Variants in ZBTB4 observed in about 807,000 individuals in gnomAD.
The protein encoded by ZBTB4 is zinc finger and BTB domain containing 4, also known as zinc finger and BTB domain-containing protein 4.
ZBTB4 carries 14 observed loss-of-function variants against 59.8 expected under a neutral mutation model. The observed-to-expected ratio is 0.23, with a 90% confidence interval of 0.15 to 0.37. The LOEUF is 0.37. Among genes scored for constraint, ZBTB4 ranks in the 10% least tolerant of loss-of-function variants. The pLI, the probability that ZBTB4 is intolerant of heterozygous loss-of-function variation, is 1.00. For missense variants in ZBTB4, 1,198 were observed against 1,380.8 expected (o/e 0.87, Z 2.10); for synonymous variants, 587 against 575.2 (o/e 1.02, Z -0.29).
At chr17:7,480,153 C>G (rs554134426), upstream of ZBTB4, among the ~76,000 whole-genome samples, 1 of 152,266 alleles carries the variant, frequency 6.6e-6, no homozygotes, top group African/African-American at 2.4e-5. Flanking sequence ...ACGGGGCACA[C>G]ACGAACGACC....
In ZBTB4 at chr17:7,462,262, A is replaced by T; in HGVS notation, c.2720T>A (p.Met907Lys). Residue 907 changes from methionine to lysine, a missense_variant, in exon 4 of 4, where the codon ATG becomes AAG. Physicochemically the swap from Met to Lys is moderately conservative, Grantham distance 95. Transcript: ENST00000380599. The surrounding 1 kb of genome is among the most constrained non-coding windows in gnomAD (Gnocchi z 7.5). ...GACTTTGGCAGCCCCTATCCCCTCC[A>T]TCCGGTCCCCCTCACCAGCCCCCAC... ...GPVGAGEGDR[M>K]EGIGAAKVTF... 1.2e-6 allele frequency: 2 copies of T among 1,613,648 alleles called. No individual in the cohort carries two copies. The highest frequency in any genetic ancestry group is 1.7e-6 in the Non-Finnish European group (2 of 1,179,828).
At position 7,461,891 on chromosome 17, in the gene ZBTB4, G is replaced by A. The variant is rs753782481; in HGVS notation, c.*49C>T. On this transcript the variant is annotated 3_prime_UTR_variant, in exon 4 of 4. Coordinates refer to ENST00000380599, the MANE Select transcript of ZBTB4 (RefSeq NM_001128833.2). Reference sequence around the variant, plus strand: ...AGGCCAGGGAGCTGGTAGTGGTGGGGGGTTCAGGGAGGGTGGCATCTGGTG... The same window carrying A: ...AGGCCAGGGAGCTGGTAGTGGTGGGAGGTTCAGGGAGGGTGGCATCTGGTG... 8 of 1,472,944 alleles carry A rather than the reference G, an allele frequency of 5.4e-6. No homozygotes were observed. In the Admixed American group the frequency reaches 1.8e-4, roughly 34 times the overall value. The allele number at this position is 1,472,944 out of a possible 1,614,324, so 91.2% of individuals were successfully genotyped here.
At chr17:7,480,155 C>T (rs2070326176), upstream of ZBTB4, among the ~76,000 whole-genome samples, 1 of 152,122 alleles carries the variant, frequency 6.6e-6, no homozygotes, top group Non-Finnish European at 1.5e-5. Flanking sequence ...GGGGCACACA[C>T]GAACGACCAC....
intron 3 of ZBTB4, among the ~76,000 whole-genome samples, chr17:7,465,020 A>T (rs113608054): frequency 6.9e-6 from 1 of 145,414 alleles, no homozygotes; most frequent in Non-Finnish European, 1.5e-5. Context: ...GCCGGGCGTG[A>T]TGGCGGGCGC....
intron 1 of ZBTB4, among the ~76,000 whole-genome samples, chr17:7,468,248 C>T (rs2070154173): frequency 6.6e-6 from 1 of 152,194 alleles, no homozygotes; most frequent in Non-Finnish European, 1.5e-5. Flanking sequence ...TGGCACGTGC[C>T]TGTAATCCCA....
chr17:7,466,082 T>C lies in ZBTB4; in HGVS notation c.720A>G (p.Gly240=), dbSNP rs2070118088. The C allele has an allele frequency of 6.2e-7, 1 of 1,606,174 alleles. No individual in the cohort carries two copies. Among genetic ancestry groups the C allele is most frequent in the Non-Finnish European group, 8.5e-7 (1 of 1,175,482 alleles). ...GCCGTTTGGGATGGATGAAGCTTTT[T>C]CCACACTGGGGGCAGGGGAGGGGCC... The part of the protein sequence containing the change: ...PRRPLPCPQC[G]KSFIHPKRLQ... Residue 240 remains glycine (G), a synonymous_variant, in exon 3 of 4, where the codon GGA becomes GGG. Coordinates refer to ENST00000380599, the MANE Select transcript of ZBTB4 (RefSeq NM_001128833.2). This position sits in a 1 kb window ranked among gnomAD's most constrained non-coding sequence, Gnocchi z 9.1.
rs1215095322 is a variant in ZBTB4 at position 7,462,382 on chromosome 17, T to C, written c.2600A>G (p.Tyr867Cys). 2 of 1,613,838 alleles carry C rather than the reference T, an allele frequency of 1.2e-6. No individual in the cohort carries two copies. Among genetic ancestry groups the C allele is most frequent in the East Asian group, 2.2e-5 (1 of 44,860 alleles). The change falls in exon 4 of 4, where the codon TAT becomes TGT. Residue 867 changes from tyrosine to cysteine, a missense_variant. Tyr to Cys is a radical substitution (Grantham distance 194, BLOSUM62 -2). This residue lies in a region of ZBTB4 where 211 missense variants were observed against 236.1 expected (regional missense o/e 0.89). Transcript: ENST00000380599. This position sits in a 1 kb window ranked among gnomAD's most constrained non-coding sequence, Gnocchi z 7.5. ...AAATTCCTGCACAGGTGGGTATACA[T>C]AGCTGCCCCCGCTTGCCACTACTGG... ...EPPVVASGGSYVYPPVQEFPL... is the reference protein window; with the variant it reads ...EPPVVASGGSCVYPPVQEFPL...
intron 1 of ZBTB4, among the ~76,000 whole-genome samples, chr17:7,470,778 G>A (rs1300269809): frequency 6.6e-6 from 1 of 152,222 alleles, no homozygotes; most frequent in Non-Finnish European, 1.5e-5. Flanking sequence ...CTAGTAGCAG[G>A]GCTGGGATCT....
chr17:7,471,705 T>C (rs2070199214), intron 1 of ZBTB4, among the ~76,000 whole-genome samples: 1 of 152,212 alleles, frequency 6.6e-6, no homozygotes, highest in Non-Finnish European at 1.5e-5. Flanking sequence ...TCTCTGTATC[T>C]GTTTCTTTGT....
At chr17:7,467,603 C>T (rs147313961) in intron 1 of ZBTB4, among the ~76,000 whole-genome samples, 2 of 152,218 alleles carry the variant, frequency 1.3e-5, no homozygotes, top group African/African-American at 4.8e-5. Flanking sequence ...TTGCATATTC[C>T]CAATTCACCT....
intron 3 of ZBTB4, among the ~76,000 whole-genome samples, chr17:7,465,011 C>T (rs2070094900): frequency 6.6e-6 from 1 of 150,538 alleles, no homozygotes; most frequent in Non-Finnish European, 1.5e-5. Flanking sequence ...AAAAAATTAG[C>T]CGGGCGTGAT....
chr17:7,479,973 C>T (rs1158151593), upstream of ZBTB4, among the ~76,000 whole-genome samples: 1 of 152,042 alleles, frequency 6.6e-6, no homozygotes, highest in Non-Finnish European at 1.5e-5. Flanking sequence ...CACACAGGCT[C>T]TCAGGGTGCA....
intron 1 of ZBTB4, among the ~76,000 whole-genome samples, chr17:7,468,275 A>C (rs560898913): frequency 6.6e-6 from 1 of 152,290 alleles, no homozygotes; most frequent in South Asian, 2.1e-4. Flanking sequence ...TGGGAGGCTG[A>C]GGCAGGAGAA....
chr17:7,478,216 G>A (rs1219633891), intron 1 of ZBTB4, among the ~76,000 whole-genome samples: 1 of 152,090 alleles, frequency 6.6e-6, no homozygotes, highest in African/African-American at 2.4e-5. Flanking sequence ...CGTCACAAAA[G>A]AATCCTGTGG....
Position 7,462,305 on chromosome 17 carries a change from A to G in ZBTB4, c.2677T>C (p.Ser893Pro), listed in dbSNP as rs1217691122. The G allele has an allele frequency of 5.6e-6, 9 of 1,613,162 alleles. No individual in the cohort carries two copies. Among genetic ancestry groups the G allele is most frequent in the African/African-American group, 1.3e-5 (1 of 74,664 alleles). Residue 893 changes from serine (S) to proline (P), a missense_variant, in exon 4 of 4, where the codon TCT becomes CCT. By Grantham distance (74) the Ser-to-Pro change is moderately conservative (BLOSUM62 -1). Coordinates refer to ENST00000380599, the MANE Select transcript of ZBTB4 (RefSeq NM_001128833.2). The surrounding 1 kb of genome is among the most constrained non-coding windows in gnomAD (Gnocchi z 7.5). Reference sequence around the variant, plus strand: ...GCCCCCACTGGCCCTTCACTCCCAGATTTTCCCCTGCCACCGCCAGGTTCC... The same window carrying G: ...GCCCCCACTGGCCCTTCACTCCCAGGTTTTCCCCTGCCACCGCCAGGTTCC... The part of the protein sequence containing the change: ...GREPGGGRGK[S>P]GSEGPVGAGE...
chr17:7,466,339 C>T lies in ZBTB4; in HGVS notation c.463G>A (p.Gly155Arg). The T allele has an allele frequency of 6.2e-7, 1 of 1,614,062 alleles. No individual in the cohort carries two copies. Among genetic ancestry groups the T allele is most frequent in the Non-Finnish European group, 8.5e-7 (1 of 1,180,006 alleles). Residue 155 changes from glycine to arginine, a missense_variant, in exon 3 of 4, where the codon GGG becomes AGG. This residue lies in a region of ZBTB4 where 31 missense variants were observed against 67.6 expected (regional missense o/e 0.46). Coordinates refer to ENST00000380599, the MANE Select transcript of ZBTB4 (RefSeq NM_001128833.2). The surrounding 1 kb of genome is among the most constrained non-coding windows in gnomAD (Gnocchi z 9.1). ...SARLALPGGG[G>R]DGAAVAEIGA... ...ATCTCTGCTACAGCTGCCCCGTCCCCTCCACCACCAGGCAGTGCGAGCCGG... is the reference window on the plus strand; with the variant it reads ...ATCTCTGCTACAGCTGCCCCGTCCCTTCCACCACCAGGCAGTGCGAGCCGG...
At position 7,469,478 on chromosome 17, in the gene ZBTB4, TAAGG is replaced by T. The variant is rs537144027; in HGVS notation, c.-80-2155_-80-2152del. Among the ~76,000 whole-genome samples the T allele has an allele frequency of 3.4e-4, 51 of 150,534 alleles. No individual in the cohort carries two copies. In the East Asian group the frequency reaches 8.9e-3, roughly 26 times the overall value. ...TCCATGCCTGGCCACTTTCCCTCTT[TAAGG>T]CCGGGCACGGTGGCTCATGCCCGTA... On this transcript the variant is annotated intron_variant, in intron 1 of 3. Transcript: ENST00000380599.
intron 1 of ZBTB4, among the ~76,000 whole-genome samples, chr17:7,472,409 T>C (rs2070210682): frequency 6.6e-6 from 1 of 152,118 alleles, no homozygotes; most frequent in East Asian, 1.9e-4. Context: ...CAGGCTGTTC[T>C]TGAAATCCCA....
rs1034771625 is a variant in ZBTB4 at position 7,460,671 on chromosome 17, G to A, written c.*1269C>T. 1.3e-5 allele frequency: 2 copies of A among 152,552 alleles called. No individual in the cohort carries two copies. The highest frequency in any genetic ancestry group is 4.8e-5 in the African/African-American group (2 of 41,436). 9.4% of individuals were successfully genotyped at this position (152,552 alleles called of 1,614,324 possible). On this transcript the variant is annotated 3_prime_UTR_variant, in exon 4 of 4. Transcript: ENST00000380599. ...TCTCCCCCACTGGAAGGAAATACAG[G>A]GACCCTGACCAGGGTTAACTAGTGC...
Sources: gnomAD v4.1 joint callset for allele counts (sites outside exome capture counted in the v4.1 genomes callset) on GRCh38, gnomAD v4.1.1 for gene constraint, gnomAD v4.1.1 regional missense constraint, Gnocchi (gnomAD v3.1) non-coding constraint, MANE v1.5 for transcripts, NCBI Gene and HGNC (gene_info 2026-07-23, HGNC 2026-07-21) for gene names.